Variants in PRKG1 observed in about 807,000 individuals in gnomAD.
PRKG1 encodes protein kinase cGMP-dependent 1, also known as cGMP-dependent protein kinase 1.
PRKG1 carries 35 observed loss-of-function variants against 88.1 expected under a neutral mutation model. The ratio of observed to expected loss-of-function variants is 0.40; its 90% confidence interval spans 0.30 to 0.53. The LOEUF is 0.53. Ranked by LOEUF, PRKG1 falls within the 20% of genes least tolerant of loss-of-function variation. PRKG1 has a pLI of 0.59. For missense variants in PRKG1, 540 were observed against 839.8 expected, an observed-to-expected ratio of 0.64 and a Z score of 4.41; for synonymous variants, 303 against 292.5, an observed-to-expected ratio of 1.04 and a Z score of -0.37.
At chr10:51,371,363 C>G (rs1006988760) in intron 2 of PRKG1, among the ~76,000 whole-genome samples, 1 of 151,426 alleles carries the variant, frequency 6.6e-6, no homozygotes, top group African/African-American at 2.4e-5. Context: ...CATTAGAGAC[C>G]CATCTCTTTA....
At chr10:52,174,300 T>G (rs959980387) in intron 9 of PRKG1, among the ~76,000 whole-genome samples, 1 of 151,826 alleles carries the variant, frequency 6.6e-6, no homozygotes, top group Non-Finnish European at 1.5e-5. Context: ...AAAAAGGCCA[T>G]TGAAGAAGTA....
intron 2 of PRKG1, among the ~76,000 whole-genome samples, chr10:51,330,110 T>TGC (rs1841696440): frequency 3.0e-4 from 2 of 6,608 alleles, no homozygotes; most frequent in Non-Finnish European, 7.8e-4. Flanking sequence ...TGCTCTTTTA[T>TGC]TTATTTATTT....
intron 2 of PRKG1, among the ~76,000 whole-genome samples, chr10:51,285,673 G>A (rs1840421470): frequency 1.3e-5 from 2 of 152,308 alleles, no homozygotes; most frequent in South Asian, 2.1e-4. Flanking sequence ...AAAATTGTAG[G>A]AGACTAAGGG....
intron 4 of PRKG1, among the ~76,000 whole-genome samples, chr10:51,817,018 G>T (rs1342178106): frequency 6.6e-6 from 1 of 152,076 alleles, no homozygotes; most frequent in Non-Finnish European, 1.5e-5. Flanking sequence ...AAGAAAGCAA[G>T]AAAAGAAATA....
intron 12 of PRKG1, among the ~76,000 whole-genome samples, chr10:52,277,446 A>G (rs779406138): frequency 1.4e-4 from 21 of 152,196 alleles, no homozygotes; most frequent in Non-Finnish European, 2.6e-4. Flanking sequence ...CTGGTGCTCA[A>G]TCATAGTGGC....
intron 3 of PRKG1, among the ~76,000 whole-genome samples, chr10:51,549,145 A>T (rs1365057116): frequency 2.5e-5 from 1 of 39,436 alleles, no homozygotes; most frequent in Non-Finnish European, 4.4e-5. Flanking sequence ...TTTTTTTGAG[A>T]CAGAGTCTTG....
At chr10:51,984,766 T>A (rs1844109132) in intron 5 of PRKG1, among the ~76,000 whole-genome samples, 1 of 152,050 alleles carries the variant, frequency 6.6e-6, no homozygotes, top group African/African-American at 2.4e-5. Flanking sequence ...GCTGCTTGAG[T>A]TTTTTAGTTG....
At chr10:52,139,716 A>G (rs1871076) in intron 8 of PRKG1, among the ~76,000 whole-genome samples, 34,306 of 151,948 alleles carry the variant, frequency 0.23, 3,967 homozygotes, top group East Asian at 0.32. Flanking sequence ...TGGGGGGTAA[A>G]GCTCACCAAG....
intron 9 of PRKG1, among the ~76,000 whole-genome samples, chr10:52,212,035 T>C (rs989042331): frequency 5.9e-5 from 9 of 152,170 alleles, no homozygotes; most frequent in Non-Finnish European, 1.2e-4. Context: ...AGAAAAACTT[T>C]AGACAAATTT....
intron 3 of PRKG1, among the ~76,000 whole-genome samples, chr10:51,604,593 G>C (rs888525120): frequency 6.6e-6 from 1 of 152,234 alleles, no homozygotes; most frequent in Non-Finnish European, 1.5e-5. Context: ...TGTGTGAGGA[G>C]AACCTTATCC....
chr10:51,058,376 A>G (rs1292467724), intron 1 of PRKG1, among the ~76,000 whole-genome samples: 2 of 152,142 alleles, frequency 1.3e-5, no homozygotes, highest in East Asian at 3.8e-4. Context: ...TTAAAAGCAG[A>G]ATAGACTTAA....
At chr10:51,752,328 C>T (rs1837748708) in intron 3 of PRKG1, among the ~76,000 whole-genome samples, 1 of 152,152 alleles carries the variant, frequency 6.6e-6, no homozygotes, top group Admixed American at 6.6e-5. Flanking sequence ...AGTATGAAAA[C>T]CTGTGCAAGA....
At chr10:51,687,422 G>A (rs1348688789) in intron 3 of PRKG1, among the ~76,000 whole-genome samples, 2 of 152,158 alleles carry the variant, frequency 1.3e-5, no homozygotes, top group Non-Finnish European at 2.9e-5. Flanking sequence ...TCTGTTGAGG[G>A]TTTATTCACA....
At position 51,547,814 on chromosome 10, in the gene PRKG1, A is replaced by G. The variant is rs571350606; in HGVS notation, c.592+79978A>G. Among the ~76,000 whole-genome samples, 7 of 152,232 alleles carry G rather than the reference A, an allele frequency of 4.6e-5. No individual in the cohort carries two copies. The South Asian group carries it at 1.5e-3, about 32-fold the overall frequency. ...TTGAGAAACTTTATAATTTCAAAGT[A>G]TGTTCTACGTGCAATTAATGTTACC... On this transcript the variant is annotated intron_variant, in intron 3 of 17. Coordinates refer to ENST00000373980, the MANE Select transcript of PRKG1 (RefSeq NM_006258.4).
chr10:51,902,833 G>C (rs1425995420), intron 4 of PRKG1, among the ~76,000 whole-genome samples: 1 of 152,132 alleles, frequency 6.6e-6, no homozygotes, highest in Non-Finnish European at 1.5e-5. Context: ...GAATTCTACT[G>C]TGTACATGTG....
chr10:51,831,865 A>G (rs527872104), intron 4 of PRKG1, among the ~76,000 whole-genome samples: 1 of 152,314 alleles, frequency 6.6e-6, no homozygotes, highest in East Asian at 1.9e-4. Flanking sequence ...TTAGAAAGAA[A>G]GGAAGAATAG....
At chr10:51,164,042 A>C (rs1322604171) in intron 2 of PRKG1, among the ~76,000 whole-genome samples, 1 of 152,186 alleles carries the variant, frequency 6.6e-6, no homozygotes, top group East Asian at 1.9e-4. Context: ...TGAAGAGAGC[A>C]GTGGTTCTCC....
At chr10:51,175,103 A>G (rs1837155644) in intron 2 of PRKG1, among the ~76,000 whole-genome samples, 1 of 151,996 alleles carries the variant, frequency 6.6e-6, no homozygotes, top group South Asian at 2.1e-4. Flanking sequence ...GAAAATATGT[A>G]TTTTACAAAT....
chr10:51,308,615 T>A (rs1308705613), intron 2 of PRKG1, among the ~76,000 whole-genome samples: 1 of 152,138 alleles, frequency 6.6e-6, no homozygotes, highest in East Asian at 1.9e-4. Flanking sequence ...CAATCAGTAG[T>A]CAGTGTGTGG....
Sources: allele counts gnomAD v4.1 joint callset (sites outside exome capture counted in the v4.1 genomes callset), GRCh38; gene constraint gnomAD v4.1.1; transcripts MANE v1.5; gene names NCBI Gene and HGNC (gene_info 2026-07-23, HGNC 2026-07-21).